The following KMO variants were observed in gnomAD, a reference collection of about 807,000 sequenced individuals.
The protein encoded by KMO is kynurenine 3-monooxygenase.
A neutral mutation model predicts 57.8 loss-of-function variants in KMO; 24 were observed. That is an observed-to-expected ratio of 0.42 (90% CI 0.30 to 0.58). KMO has a LOEUF of 0.58. Among genes scored for constraint, KMO ranks in the 20% least tolerant of loss-of-function variants. The pLI, the probability that KMO is intolerant of heterozygous loss-of-function variation, is 0.22. For synonymous variants in KMO, 210 were observed against 193.6 expected (o/e 1.08, Z -0.70); for missense variants, 483 against 588.2 (o/e 0.82, Z 1.85).
chr1:241,560,285 T>C (rs1330360105), intron 5 of KMO, among the ~76,000 whole-genome samples: 2 of 152,178 alleles, frequency 1.3e-5, no homozygotes, highest in East Asian at 1.9e-4. Context: ...ATGCGTAATA[T>C]GAGGAAAGGA....
At chr1:241,590,892 G>T (rs1231721422) in intron 14 of KMO, among the ~76,000 whole-genome samples, 2 of 152,186 alleles carry the variant, frequency 1.3e-5, no homozygotes, top group African/African-American at 4.8e-5. Flanking sequence ...AACAGGAGGG[G>T]CCAGGACAGG....
At chr1:241,561,965 G>C in intron 6 of KMO, 1 of 564,420 alleles carries the variant, frequency 1.8e-6, no homozygotes, top group South Asian at 2.1e-5. Context: ...ATGGTGTTGT[G>C]CTATTCTCAT....
chr1:241,533,367 T>A (rs1660643433), intron 1 of KMO, among the ~76,000 whole-genome samples: 1 of 152,244 alleles, frequency 6.6e-6, no homozygotes, highest in Non-Finnish European at 1.5e-5. Context: ...GGCGTAACAC[T>A]GTTCTAGGCT....
intron 11 of KMO, among the ~76,000 whole-genome samples, chr1:241,588,532 T>C (rs1426493996): frequency 6.6e-6 from 1 of 152,056 alleles, no homozygotes; most frequent in Non-Finnish European, 1.5e-5. Flanking sequence ...AAAGCAATAA[T>C]ATAGATTAAT....
chr1:241,561,376 C>A (rs891241237), intron 6 of KMO, among the ~76,000 whole-genome samples: 2 of 152,228 alleles, frequency 1.3e-5, no homozygotes, highest in African/African-American at 2.4e-5. Context: ...TTCCCCAGAA[C>A]TAATGCCTGA....
At position 241,566,505 on chromosome 1, in the gene KMO, A is replaced by C. The variant is rs1188162353; in HGVS notation, c.702A>C (p.Thr234=). 3 of 1,613,220 alleles carry C rather than the reference A, an allele frequency of 1.9e-6. No homozygotes were observed. Among genetic ancestry groups the C allele is most frequent in the South Asian group, 1.1e-5 (1 of 90,820 alleles). ...IALPNMNKSF[T]CTLFMPFEEF... ...TCTTCTCACAGAACAAATCATTCAC[A>C]TGTACTTTGTTCATGCCCTTTGAAG... The change falls in exon 9 of 15, where the codon ACA becomes ACC. Residue 234 remains threonine (T), a synonymous_variant. Transcript: ENST00000366559.
At chr1:241,551,839 A>G (rs879891314) in intron 4 of KMO, among the ~76,000 whole-genome samples, 6 of 152,134 alleles carry the variant, frequency 3.9e-5, no homozygotes, top group Non-Finnish European at 7.3e-5. Flanking sequence ...TGTGCTTCTC[A>G]TACTCACCCG....
At chr1:241,568,868 G>C (rs143398525) in intron 10 of KMO, among the ~76,000 whole-genome samples, 1 of 151,956 alleles carries the variant, frequency 6.6e-6, no homozygotes, top group Non-Finnish European at 1.5e-5. Flanking sequence ...AAAGCATAGC[G>C]CACTCATCCC....
Position 241,591,965 on chromosome 1 carries a change from G to T in KMO, c.1273G>T (p.Gly425Ter), listed in dbSNP as rs868821768. The part of the protein sequence containing the change: ...WHWQKKVINK[G>*]LFFLGSLIAI... The stretch of plus-strand genomic sequence containing the variant: ...TGCTGTCTTACAGGTGATAAACAAA[G>T]GACTCTTTTTCTTGGGATCACTGAT... Residue 425 changes from glycine to a stop codon, truncating the protein, a stop_gained, in exon 15 of 15, where the codon GGA (glycine) becomes TGA (stop). Coordinates refer to ENST00000366559, the MANE Select transcript of KMO (RefSeq NM_003679.5). LOFTEE classifies it low-confidence loss of function (END_TRUNC). 6.2e-7 allele frequency: 1 copy of T among 1,613,526 alleles called. No individual in the cohort carries two copies.
At chr1:241,585,042 A>T (rs940591775) in intron 10 of KMO, among the ~76,000 whole-genome samples, 18 of 151,878 alleles carry the variant, frequency 1.2e-4, no homozygotes, top group African/African-American at 3.6e-4. Context: ...CCTGGTCAAC[A>T]TGGTGAAACC....
intron 1 of KMO, among the ~76,000 whole-genome samples, chr1:241,546,903 T>C (rs1321133051): frequency 6.6e-6 from 1 of 152,200 alleles, no homozygotes; most frequent in African/African-American, 2.4e-5. Context: ...GAAACTCCAA[T>C]ATTTGTCCGT....
chr1:241,572,509 T>TA (rs1444925366), intron 10 of KMO, among the ~76,000 whole-genome samples: 1 of 152,048 alleles, frequency 6.6e-6, no homozygotes, highest in Non-Finnish European at 1.5e-5. Context: ...GTTTATTTTT[T>TA]AAAAAACCAA....
At chr1:241,557,156 G>A (rs1282460122) in intron 5 of KMO, among the ~76,000 whole-genome samples, 1 of 152,144 alleles carries the variant, frequency 6.6e-6, no homozygotes, top group South Asian at 2.1e-4. Context: ...TTGTGAATTT[G>A]TGTAACTAAA....
At chr1:241,538,878 G>A (rs1488070734) in intron 1 of KMO, among the ~76,000 whole-genome samples, 2 of 152,118 alleles carry the variant, frequency 1.3e-5, no homozygotes, top group African/African-American at 4.8e-5. Flanking sequence ...TACAAAGAGT[G>A]TGTCTTTCAT....
intron 10 of KMO, among the ~76,000 whole-genome samples, chr1:241,585,768 G>T (rs1410581985): frequency 7.1e-6 from 1 of 140,788 alleles, no homozygotes; most frequent in Non-Finnish European, 1.6e-5. Context: ...AAAAAAAAAA[G>T]AACAAAAAAA....
At chr1:241,551,362 A>G (rs1287400980) in intron 4 of KMO, among the ~76,000 whole-genome samples, 1 of 152,142 alleles carries the variant, frequency 6.6e-6, no homozygotes, top group Admixed American at 6.5e-5. Context: ...GAAGATGACT[A>G]TCTTATTTGT....
At position 241,592,058 on chromosome 1, in the gene KMO, C is replaced by T; in HGVS notation, c.1366C>T (p.Pro456Ser). 2 of 1,613,934 alleles carry T rather than the reference C, an allele frequency of 1.2e-6. No individual in the cohort carries two copies. The highest frequency in any genetic ancestry group is 1.7e-6 in the Non-Finnish European group (2 of 1,179,894). ...SPRSFLRLRRPWNWIAHFRNT... is the reference protein window; with the variant it reads ...SPRSFLRLRRSWNWIAHFRNT... ...ACGATCTTTCCTCCGCTTGAGAAGACCATGGAACTGGATAGCTCACTTCCG... is the reference window on the plus strand; with the variant it reads ...ACGATCTTTCCTCCGCTTGAGAAGATCATGGAACTGGATAGCTCACTTCCG... The change falls in exon 15 of 15, where the codon CCA becomes TCA. Residue 456 changes from proline (P) to serine (S), a missense_variant. Pro to Ser is a moderately conservative substitution (Grantham distance 74, BLOSUM62 -1). Around this residue, in one of 3 missense-constraint regions of KMO, gnomAD observed 410 missense variants for 492.3 expected, o/e 0.83. Transcript: ENST00000366559.
At chr1:241,554,123 A>G (rs1661511793) in intron 4 of KMO, among the ~76,000 whole-genome samples, 1 of 152,212 alleles carries the variant, frequency 6.6e-6, no homozygotes, top group African/African-American at 2.4e-5. Context: ...TTCTAGAAAA[A>G]GGATAAATAT....
rs1316776740 is a variant in KMO, at chr1:241,590,252, T to C, written c.1249T>C (p.Trp417Arg). ...RYHEAVQRWH[W>R]QKKVINKGLF... ...CCATGAGGCTGTGCAGCGTTGGCAT[T>C]GGCAAAAAAAGGTTGGAACAGTTAC... The change falls in exon 14 of 15, where the codon TGG becomes CGG. Residue 417 changes from tryptophan (W) to arginine (R), a missense_variant. By Grantham distance (101) the Trp-to-Arg change is moderately radical. This residue lies in a region of KMO where 410 missense variants were observed against 492.3 expected (regional missense o/e 0.83). Transcript: ENST00000366559. 6.2e-7 allele frequency: 1 copy of C among 1,612,788 alleles called. No individual in the cohort carries two copies. The highest frequency in any genetic ancestry group is 2.2e-5 in the East Asian group (1 of 44,856).
Sources: gnomAD v4.1 joint callset for allele counts (sites outside exome capture counted in the v4.1 genomes callset) on GRCh38, gnomAD v4.1.1 for gene constraint, gnomAD v4.1.1 regional missense constraint, MANE v1.5 for transcripts, NCBI Gene and HGNC (gene_info 2026-07-23, HGNC 2026-07-21) for gene names.